NDUFA9: variants seen among roughly 807,000 people sequenced by gnomAD.
The protein encoded by NDUFA9 is NADH:ubiquinone oxidoreductase subunit A9.
Under a neutral mutation model 45.9 loss-of-function variants are expected in NDUFA9, and 23 were observed. That is an observed-to-expected ratio of 0.50 (90% CI 0.36 to 0.71). NDUFA9 has a LOEUF of 0.71. Among genes scored for constraint, NDUFA9 ranks in the 30% least tolerant of loss-of-function variants. NDUFA9 has a pLI of 0.00. For synonymous variants in NDUFA9, 176 were observed against 170.5 expected (o/e 1.03, Z -0.25); for missense variants, 466 against 488.2 (o/e 0.95, Z 0.43).
chr12:4,655,539 A>G (rs1945784844), intron 3 of NDUFA9, among the ~76,000 whole-genome samples: 1 of 152,258 alleles, frequency 6.6e-6, no homozygotes, highest in African/African-American at 2.4e-5. Context: ...ATTAGGTTAA[A>G]TAAAATGTAT....
intron 9 of NDUFA9, among the ~76,000 whole-genome samples, chr12:4,684,760 TGTC>T (rs1395474929): frequency 6.6e-6 from 1 of 152,058 alleles, no homozygotes; most frequent in Non-Finnish European, 1.5e-5. Context: ...GGTTTTATAT[TGTC>T]GTCCTGATTT....
Position 4,662,329 on chromosome 12 carries a change from A to G in NDUFA9, c.553-204A>G, listed in dbSNP as rs562836685. 3.3e-5 allele frequency among the ~76,000 whole-genome samples: 5 copies of G among 152,334 alleles called. No homozygotes were observed. In the South Asian group the frequency reaches 8.3e-4, roughly 25 times the overall value. ...AAATAAAAAAATTGGAAGAGACCCA[A>G]CCCAATCTGTAAGGTGCAGGACATT... On this transcript the variant is annotated intron_variant, in intron 5 of 10. Transcript: ENST00000266544.
intron 8 of NDUFA9, among the ~76,000 whole-genome samples, chr12:4,674,562 C>G (rs1945907397): frequency 6.6e-6 from 1 of 152,096 alleles, no homozygotes; most frequent in Non-Finnish European, 1.5e-5. Context: ...CAACAAAGAT[C>G]AAAAGAGACA....
At chr12:4,660,155 A>G (rs981416126) in intron 5 of NDUFA9, among the ~76,000 whole-genome samples, 1 of 152,192 alleles carries the variant, frequency 6.6e-6, no homozygotes, top group Admixed American at 6.5e-5. Flanking sequence ...GGGAGGGACT[A>G]GGCTGTAGGG....
At chr12:4,672,081 C>G (rs992933580) in intron 8 of NDUFA9, among the ~76,000 whole-genome samples, 1 of 152,150 alleles carries the variant, frequency 6.6e-6, no homozygotes, top group Non-Finnish European at 1.5e-5. Flanking sequence ...GTGGGTGCAG[C>G]CCAAGGAGGG....
At chr12:4,686,078 G>T (rs1461340935) in intron 10 of NDUFA9, among the ~76,000 whole-genome samples, 1 of 152,206 alleles carries the variant, frequency 6.6e-6, no homozygotes, top group Non-Finnish European at 1.5e-5. Context: ...AGGCAGGATC[G>T]CTGGTTGTCA....
chr12:4,660,877 A>G (rs1002727670), intron 5 of NDUFA9, among the ~76,000 whole-genome samples: 3 of 152,124 alleles, frequency 2.0e-5, no homozygotes, highest in Admixed American at 1.3e-4. Context: ...CGGGTGCGTG[A>G]AGAGTGAGTT....
Position 4,688,922 on chromosome 12 carries a change from C to T in NDUFA9, c.*1814C>T, listed in dbSNP as rs918492332. On this transcript the variant is annotated 3_prime_UTR_variant, in exon 11 of 11. Coordinates refer to ENST00000266544, the MANE Select transcript of NDUFA9 (RefSeq NM_005002.5). ...GAAAAGGAACTATAATTCTATAATGCACAGTGTCCTCTCTTAGAATATCTA... is the reference window on the plus strand; with the variant it reads ...GAAAAGGAACTATAATTCTATAATGTACAGTGTCCTCTCTTAGAATATCTA... 6.6e-6 allele frequency: 1 copy of T among 151,916 alleles called. No homozygotes were observed. The highest frequency in any genetic ancestry group is 6.6e-5 in the Admixed American group (1 of 15,242). 9.4% of individuals were successfully genotyped at this position (151,916 alleles called of 1,614,324 possible).
intron 9 of NDUFA9, among the ~76,000 whole-genome samples, chr12:4,683,987 G>A (rs1318695130): frequency 6.6e-6 from 1 of 152,198 alleles, no homozygotes; most frequent in African/African-American, 2.4e-5. Flanking sequence ...AGGGATATAA[G>A]CCAGATTGCA....
rs767993194 is a variant in NDUFA9 at position 4,649,195 on chromosome 12, GCGGCCCCTGGT to G, written c.49+24_49+34del. ...TGTCACGTAAGTGTTACCGGGAACG[GCGGCCCCTGGT>G]CGGGATTCCGAGACGGGGATTTAAG... On this transcript the variant is annotated intron_variant, in intron 1 of 10. Coordinates refer to ENST00000266544, the MANE Select transcript of NDUFA9 (RefSeq NM_005002.5). 4.4e-6 allele frequency: 7 copies of G among 1,597,428 alleles called. No individual in the cohort carries two copies. The highest frequency in any genetic ancestry group is 3.5e-5 in the Admixed American group (2 of 57,580).
At chr12:4,668,179 G>A (rs1003754119) in intron 6 of NDUFA9, among the ~76,000 whole-genome samples, 2 of 152,170 alleles carry the variant, frequency 1.3e-5, no homozygotes, top group South Asian at 2.1e-4. Flanking sequence ...AGTCTTGGTC[G>A]TAGCGATGCA....
At chr12:4,665,259 C>T (rs1353762096) in intron 6 of NDUFA9, among the ~76,000 whole-genome samples, 2 of 152,204 alleles carry the variant, frequency 1.3e-5, no homozygotes, top group African/African-American at 4.8e-5. Context: ...CTCCTTCCCC[C>T]CAGCCCCTGG....
intron 10 of NDUFA9, 148 bp downstream of exon 10, chr12:4,685,473 C>T: frequency 1.5e-6 from 1 of 676,762 alleles, no homozygotes; most frequent in South Asian, 2.0e-5. Flanking sequence ...TGAAGCTCAT[C>T]CACCTGCCCT....
intron 9 of NDUFA9, chr12:4,684,868 C>T (rs1396525525): frequency 5.9e-6 from 3 of 507,718 alleles, no homozygotes; most frequent in Non-Finnish European, 1.0e-5. Flanking sequence ...ATTTTACACA[C>T]CATTCAGCTT....
intron 6 of NDUFA9, among the ~76,000 whole-genome samples, chr12:4,664,065 T>A (rs1378046160): frequency 1.3e-5 from 2 of 152,178 alleles, no homozygotes; most frequent in African/African-American, 4.8e-5. Context: ...AATGCCTTGG[T>A]TCCTCCCGAC....
intron 8 of NDUFA9, among the ~76,000 whole-genome samples, chr12:4,674,712 A>G (rs978338069): frequency 6.6e-6 from 1 of 152,192 alleles, no homozygotes. Flanking sequence ...CTCCCACACA[A>G]TAATAGTGGG....
At chr12:4,681,858 T>C (rs2137485555) in intron 8 of NDUFA9, among the ~76,000 whole-genome samples, 1 of 152,142 alleles carries the variant, frequency 6.6e-6, no homozygotes, top group South Asian at 2.1e-4. Context: ...GATAAAATAA[T>C]TGTGATTACA....
chr12:4,685,436 G>C, intron 10 of NDUFA9, 111 bp downstream of exon 10: 1 of 1,019,256 alleles, frequency 9.8e-7, no homozygotes, highest in East Asian at 2.5e-5. Flanking sequence ...TGTTCTTGCT[G>C]TCTGCAGTCA....
intron 8 of NDUFA9, 46 bp from the exon 9 acceptor site, chr12:4,682,159 T>C: frequency 7.2e-7 from 1 of 1,397,808 alleles, no homozygotes; most frequent in Non-Finnish European, 1.0e-6. Context: ...AAGGAAACTT[T>C]GTGAGAAGCG....
Sources: gnomAD v4.1 joint callset for allele counts (sites outside exome capture counted in the v4.1 genomes callset) on GRCh38, gnomAD v4.1.1 for gene constraint, MANE v1.5 for transcripts, NCBI Gene and HGNC (gene_info 2026-07-23, HGNC 2026-07-21) for gene names.